Variants in AKAP8L observed in about 807,000 individuals in gnomAD.
AKAP8L encodes the protein A-kinase anchoring protein 8 like.
A neutral mutation model predicts 77.5 loss-of-function variants in AKAP8L; 34 were observed. That is an observed-to-expected ratio of 0.44 (90% CI 0.33 to 0.58). AKAP8L has a LOEUF of 0.58. Ranked by LOEUF, AKAP8L falls within the 20% of genes least tolerant of loss-of-function variation. The pLI is 0.02. For synonymous variants in AKAP8L, 342 were observed against 340.7 expected, an observed-to-expected ratio of 1.00 and a Z score of -0.04; for missense variants, 806 against 887.6, an observed-to-expected ratio of 0.91 and a Z score of 1.17.
rs1967840716 is a variant in AKAP8L at position 15,399,293 on chromosome 19, G to A, written c.1157+9C>T. The A allele has an allele frequency of 6.2e-7, 1 of 1,610,776 alleles. No individual in the cohort carries two copies. Reference sequence around the variant, plus strand: ...GGCAGAGGCAGAGGGGTGGAGGGAAGCTGGTTACCTTTCCACCATGCGGTC... The same window carrying A: ...GGCAGAGGCAGAGGGGTGGAGGGAAACTGGTTACCTTTCCACCATGCGGTC... On this transcript the variant is annotated intron_variant, in intron 9 of 13. Transcript: ENST00000397410. The surrounding 1 kb of genome is among the most constrained non-coding windows in gnomAD (Gnocchi z 6.1).
chr19:15,386,111 C>T (rs1475314280), intron 12 of AKAP8L, among the ~76,000 whole-genome samples: 3 of 151,854 alleles, frequency 2.0e-5, no homozygotes, highest in Non-Finnish European at 2.9e-5. Context: ...GGGGTTTCAC[C>T]GTGTTAGCCA....
At position 15,380,276 on chromosome 19, in the gene AKAP8L, G is replaced by A. The variant is rs1249921821; in HGVS notation, c.1787C>T (p.Ala596Val). 9.2e-6 allele frequency: 14 copies of A among 1,516,332 alleles called. No homozygotes were observed. Among genetic ancestry groups the A allele is most frequent in the East Asian group, 7.7e-5 (3 of 39,004 alleles). 93.9% of individuals were successfully genotyped at this position (1,516,332 alleles called of 1,614,324 possible). A position where few individuals can be genotyped will look rare whatever the true frequency, so the allele number is the denominator to read the frequency against. ...CGGTGGCGGCGACACGGCCCCGGGG[G>A]CTGGCTCTGGGGGCACGGGAGGCTG... ...PAQPPVPPEP[A>V]PGAVSPPPPP... The change falls in exon 14 of 14, where the codon GCC (alanine) becomes GTC (valine). Residue 596 changes from alanine (A) to valine (V), a missense_variant. By Grantham distance (64) the Ala-to-Val change is moderately conservative. Coordinates refer to ENST00000397410, the MANE Select transcript of AKAP8L (RefSeq NM_014371.4).
intron 2 of AKAP8L, among the ~76,000 whole-genome samples, chr19:15,404,446 C>T (rs1213197531): frequency 6.6e-6 from 1 of 152,242 alleles, no homozygotes; most frequent in Non-Finnish European, 1.5e-5. Context: ...GAATTGTTGA[C>T]TGTGCTGTGC....
chr19:15,380,366 G>A lies in AKAP8L; in HGVS notation c.1697C>T (p.Ala566Val). 3 of 1,563,358 alleles carry A rather than the reference G, an allele frequency of 1.9e-6. No homozygotes were observed. The highest frequency in any genetic ancestry group is 2.4e-5 in the East Asian group (1 of 42,294). The part of the protein sequence containing the change: ...EKEQEEAEGG[A>V]LDEGAQGEAA... ...TTCGCCCTGCGCCCCCTCGTCCAGG[G>A]CACCGCCCTCAGCCTCCTCCTGCTC... The change falls in exon 14 of 14, where the codon GCC becomes GTC. Residue 566 changes from alanine (A) to valine (V), a missense_variant. By Grantham distance (64) the Ala-to-Val change is moderately conservative. Around this residue, in one of 2 missense-constraint regions of AKAP8L, gnomAD observed 226 missense variants for 193.5 expected, o/e 1.17. Transcript: ENST00000397410.
rs954318962 is a variant in AKAP8L, at chr19:15,409,632, C to G, written c.88+888G>C. Among the ~76,000 whole-genome samples the G allele has an allele frequency of 2.6e-5, 4 of 152,288 alleles. No homozygotes were observed. In the South Asian group the frequency reaches 8.3e-4, roughly 32 times the overall value. On this transcript the variant is annotated intron_variant, in intron 2 of 13. Transcript: ENST00000397410. ...AAAGAGGGCTCCTTCTCAACAGATA[C>G]CCCTAGAGTCACAGACAACCAAAAA...
At chr19:15,396,372 G>A (rs1014851391) in intron 12 of AKAP8L, among the ~76,000 whole-genome samples, 7 of 152,048 alleles carry the variant, frequency 4.6e-5, no homozygotes, top group African/African-American at 1.7e-4. Flanking sequence ...AACACAGCAT[G>A]TCATCCATTC....
intron 12 of AKAP8L, among the ~76,000 whole-genome samples, chr19:15,381,426 G>A (rs1967414243): frequency 6.6e-6 from 1 of 152,166 alleles, no homozygotes; most frequent in Admixed American, 6.6e-5. Context: ...CATTTTGTCT[G>A]GAAGGATTTC....
intron 12 of AKAP8L, among the ~76,000 whole-genome samples, chr19:15,386,201 C>G (rs570829955): frequency 1.3e-5 from 2 of 152,228 alleles, no homozygotes; most frequent in South Asian, 4.1e-4. Flanking sequence ...TGAGCCACCG[C>G]GCCCGGCCAA....
intron 12 of AKAP8L, among the ~76,000 whole-genome samples, chr19:15,392,542 C>T (rs1197775158): frequency 1.3e-5 from 2 of 150,912 alleles, no homozygotes; most frequent in African/African-American, 4.9e-5. Context: ...AAAAAAAATC[C>T]AAAAATATCA....
At chr19:15,387,901 G>GCGAGC (rs1345979891) in intron 12 of AKAP8L, among the ~76,000 whole-genome samples, 24 of 151,966 alleles carry the variant, frequency 1.6e-4, no homozygotes, top group African/African-American at 5.3e-4. Context: ...GGAGGTTGCA[G>GCGAGC]CAAGCCAAGA....
intron 2 of AKAP8L, among the ~76,000 whole-genome samples, chr19:15,406,362 G>GGGGAGAGAGA (rs1555700853): frequency 6.7e-5 from 6 of 89,380 alleles, no homozygotes; most frequent in African/African-American, 2.0e-4. Context: ...GAAATTTTAA[G>GGGGAGAGAGA]GAGAGAGAGA....
intron 2 of AKAP8L, among the ~76,000 whole-genome samples, chr19:15,406,632 A>T (rs1317616730): frequency 1.3e-5 from 2 of 151,548 alleles, no homozygotes; most frequent in Non-Finnish European, 2.9e-5. Context: ...ATGCCCAGCT[A>T]ATTTTTTCTA....
At chr19:15,417,202 C>A (rs1030313681) in intron 1 of AKAP8L, among the ~76,000 whole-genome samples, 1 of 152,170 alleles carries the variant, frequency 6.6e-6, no homozygotes, top group African/African-American at 2.4e-5. Flanking sequence ...TACCCCACAG[C>A]ACCCAACCAT....
chr19:15,396,471 T>C (rs557870136), intron 12 of AKAP8L, among the ~76,000 whole-genome samples: 16 of 152,360 alleles, frequency 1.1e-4, no homozygotes, highest in Admixed American at 5.2e-4. Flanking sequence ...TCTTGCCTTA[T>C]GTTCTCCATG....
chr19:15,414,723 C>A (rs1806274631), intron 1 of AKAP8L, among the ~76,000 whole-genome samples: 2 of 151,190 alleles, frequency 1.3e-5, no homozygotes, highest in South Asian at 4.2e-4. Context: ...CTCCTGACCT[C>A]GTGATCCGCC....
chr19:15,417,377 G>A (rs1366428694), intron 1 of AKAP8L, among the ~76,000 whole-genome samples: 1 of 152,174 alleles, frequency 6.6e-6, no homozygotes, highest in Non-Finnish European at 1.5e-5. Context: ...CTCTGGCAGA[G>A]CTGCCCAACT....
At position 15,403,422 on chromosome 19, in the gene AKAP8L, C is replaced by G. The variant is rs1967937157; in HGVS notation, c.362+53G>C. On this transcript the variant is annotated intron_variant, in intron 4 of 13. Transcript: ENST00000397410. This position sits in a 1 kb window ranked among gnomAD's most constrained non-coding sequence, Gnocchi z 4.3. ...TCAGAGAGGAAAACGCAGTGGGCAG[C>G]AGGCAGGAGCCGCCCCTGCAGAGTC... 2.0e-6 allele frequency: 3 copies of G among 1,538,054 alleles called. No homozygotes were observed. Among genetic ancestry groups the G allele is most frequent in the South Asian group, 2.3e-5 (2 of 88,654 alleles).
chr19:15,401,646 T>A lies in AKAP8L; in HGVS notation c.363-43A>T, dbSNP rs1478211556. The A allele has an allele frequency of 6.8e-7, 1 of 1,466,696 alleles. No homozygotes were observed. Among genetic ancestry groups the A allele is most frequent in the Admixed American group, 2.0e-5 (1 of 48,864 alleles). The allele number at this position is 1,466,696 out of a possible 1,614,324, so 90.9% of individuals were successfully genotyped here. On this transcript the variant is annotated intron_variant, in intron 4 of 13. Coordinates refer to ENST00000397410, the MANE Select transcript of AKAP8L (RefSeq NM_014371.4). The surrounding 1 kb of genome is among the most constrained non-coding windows in gnomAD (Gnocchi z 6.2). ...GAGCATCAGGTGGAGCCCCTCAGGA[T>A]CCCTCACCTCCAGGCAACTGCTCCT...
intron 12 of AKAP8L, among the ~76,000 whole-genome samples, chr19:15,384,533 CA>C (rs1309013910): frequency 6.6e-6 from 1 of 151,988 alleles, no homozygotes; most frequent in African/African-American, 2.4e-5. Context: ...CTCCTGACCT[CA>C]GGCAATCCAC....
Sources: allele counts gnomAD v4.1 joint callset (sites outside exome capture counted in the v4.1 genomes callset), GRCh38; gene constraint gnomAD v4.1.1; regional missense constraint gnomAD v4.1.1; non-coding constraint Gnocchi (gnomAD v3.1); transcripts MANE v1.5; gene names NCBI Gene and HGNC (gene_info 2026-07-23, HGNC 2026-07-21).